Variants in HDAC4 observed in about 807,000 individuals in gnomAD.
HDAC4 encodes the protein histone deacetylase 4, also known as histone deacetylase A.
A neutral mutation model predicts 135.1 loss-of-function variants in HDAC4; 16 were observed. The observed-to-expected ratio is 0.12, with a 90% CI of 0.08 to 0.18. The LOEUF is 0.18. Ranked by LOEUF, HDAC4 falls within the 10% of genes least tolerant of loss-of-function variation. The probability of loss-of-function intolerance (pLI) is 1.00; values close to 1 mark genes in which losing one functional copy is unlikely to be tolerated. For synonymous variants in HDAC4, 685 were observed against 653.4 expected, an observed-to-expected ratio of 1.05 and a Z score of -0.74; for missense variants, 1,143 against 1,511.8, an observed-to-expected ratio of 0.76 and a Z score of 4.05.
At chr2:239,374,993 C>T (rs1019070128) in intron 1 of HDAC4, among the ~76,000 whole-genome samples, 20 of 152,292 alleles carry the variant, frequency 1.3e-4, no homozygotes, top group South Asian at 6.2e-4. Context: ...TGAGGGGTGA[C>T]GCTGCCAGGG....
At chr2:239,342,875 T>C (rs1425564266) in intron 2 of HDAC4, among the ~76,000 whole-genome samples, 1 of 152,132 alleles carries the variant, frequency 6.6e-6, no homozygotes, top group Non-Finnish European at 1.5e-5. Flanking sequence ...CCGCCTACAC[T>C]GTCAAGGGGG....
intron 16 of HDAC4, among the ~76,000 whole-genome samples, chr2:239,095,704 C>T (rs554382464): frequency 6.6e-6 from 1 of 152,316 alleles, no homozygotes; most frequent in Admixed American, 6.5e-5. Flanking sequence ...CTGGCACCCG[C>T]GCCTGCTCCG....
In HDAC4 at chr2:239,053,446, G is replaced by C; in HGVS notation, c.3230+14C>G. The C allele has an allele frequency of 6.2e-7, 1 of 1,611,344 alleles. No individual in the cohort carries two copies. Among genetic ancestry groups the C allele is most frequent in the Non-Finnish European group, 8.5e-7 (1 of 1,178,600 alleles). On this transcript the variant is annotated intron_variant, in intron 26 of 26. Transcript: ENST00000543185. ...TGGGTGAGCCTGCAGGCGGGCGGCA[G>C]GGCAGGTGCTCACCTCTTTTCGGCG...
intron 12 of HDAC4, among the ~76,000 whole-genome samples, chr2:239,123,168 C>A (rs1009722254): frequency 7.2e-5 from 11 of 152,242 alleles, no homozygotes; most frequent in African/African-American, 2.4e-4. Flanking sequence ...AAACCTCCTA[C>A]CCCATCACTC....
intron 5 of HDAC4, among the ~76,000 whole-genome samples, chr2:239,169,819 G>A (rs533387071): frequency 8.6e-5 from 13 of 151,968 alleles, no homozygotes; most frequent in South Asian, 2.1e-4. Flanking sequence ...ATGCCGCCCC[G>A]TCTCCTCAAG....
At chr2:239,329,257 G>T (rs1013667126) in intron 2 of HDAC4, among the ~76,000 whole-genome samples, 1 of 152,204 alleles carries the variant, frequency 6.6e-6, no homozygotes, top group South Asian at 2.1e-4. Flanking sequence ...CCAAAGGCGG[G>T]TCCTCCTATT....
intron 2 of HDAC4, among the ~76,000 whole-genome samples, chr2:239,247,176 G>A (rs1298730189): frequency 1.3e-5 from 2 of 152,216 alleles, no homozygotes; most frequent in Admixed American, 1.3e-4. Flanking sequence ...CGGGCCACCC[G>A]CACAGCCGGG....
chr2:239,258,314 C>T (rs913695882), intron 2 of HDAC4, among the ~76,000 whole-genome samples: 12 of 149,400 alleles, frequency 8.0e-5, no homozygotes, highest in Middle Eastern at 3.4e-3. Flanking sequence ...AGACACTGAA[C>T]GGGTCAAAAG....
intron 3 of HDAC4, 28 bp downstream of exon 3, chr2:239,236,565 C>G (rs775985925): frequency 2.6e-6 from 4 of 1,542,500 alleles, no homozygotes; most frequent in Non-Finnish European, 3.5e-6. Context: ...CAGGGCCGGC[C>G]GGACAGGGCA....
At position 239,102,895 on chromosome 2, in the gene HDAC4, C is replaced by T. The variant is rs2152765856; in HGVS notation, c.2114G>A (p.Cys705Tyr). The T allele has an allele frequency of 6.2e-7, 1 of 1,613,862 alleles. No homozygotes were observed. Among genetic ancestry groups the T allele is most frequent in the Non-Finnish European group, 8.5e-7 (1 of 1,180,002 alleles). Reference protein sequence around the residue: ...QETGLRGKCECIRGRKATLEE... With the variant: ...QETGLRGKCEYIRGRKATLEE... ...CAGGGTGGCCTTGCGTCCGCGGATG[C>T]ACTGTGGGGACAGGCGAGAGGACAC... is the stretch of plus-strand genomic sequence containing the variant. Residue 705 changes from cysteine (C) to tyrosine (Y), a missense_variant and splice_region_variant, in exon 16 of 27, where the codon TGC becomes TAC. Transcript: ENST00000543185.
At chr2:239,116,830 C>T (rs1008851688) in intron 12 of HDAC4, among the ~76,000 whole-genome samples, 10 of 152,220 alleles carry the variant, frequency 6.6e-5, no homozygotes, top group Non-Finnish European at 1.2e-4. Flanking sequence ...CTTCCTTCCT[C>T]GGCCTCCAGC....
At chr2:239,195,264 G>C (rs899668053) in intron 3 of HDAC4, among the ~76,000 whole-genome samples, 18 of 152,238 alleles carry the variant, frequency 1.2e-4, no homozygotes, top group African/African-American at 4.3e-4. Flanking sequence ...GCAGAGCAGA[G>C]AAAATCAACA....
chr2:239,225,450 G>A (rs953508308), intron 3 of HDAC4, among the ~76,000 whole-genome samples: 2 of 152,260 alleles, frequency 1.3e-5, no homozygotes, highest in African/African-American at 4.8e-5. Context: ...ATCCACGAAG[G>A]CAGAAGTCGG....
In HDAC4 at chr2:239,120,507, G is replaced by GCA. The variant is rs1327632635; in HGVS notation, c.1534-5199_1534-5198dup. ...GATACACAAATACACATAGGCACAG[G>GCA]CACACAGAGACAAGGAGAGGAGACC... is the stretch of plus-strand genomic sequence containing the variant. On this transcript the variant is annotated intron_variant, in intron 12 of 26. Transcript: ENST00000543185. Among the ~76,000 whole-genome samples, 6 of 151,230 alleles carry GCA rather than the reference G, an allele frequency of 4.0e-5. No individual in the cohort carries two copies. The South Asian group carries it at 6.3e-4, about 16-fold the overall frequency.
At chr2:239,355,317 C>G (rs1693422083) in intron 1 of HDAC4, among the ~76,000 whole-genome samples, 1 of 152,200 alleles carries the variant, frequency 6.6e-6, no homozygotes, top group Non-Finnish European at 1.5e-5. Context: ...GATCTGGCCT[C>G]TTTCACCGGT....
chr2:239,120,840 G>A (rs2039622139), intron 12 of HDAC4, among the ~76,000 whole-genome samples: 1 of 151,972 alleles, frequency 6.6e-6, no homozygotes, highest in African/African-American at 2.4e-5. Context: ...GCAGCTGAGG[G>A]TGGAGGGGAG....
intron 2 of HDAC4, among the ~76,000 whole-genome samples, chr2:239,237,798 C>T (rs908058045): frequency 5.9e-5 from 9 of 152,204 alleles, no homozygotes; most frequent in Middle Eastern, 3.4e-3. Flanking sequence ...AGAGATCAAA[C>T]GTGGGTGCCA....
chr2:239,239,957 C>A (rs1263563082), intron 2 of HDAC4, among the ~76,000 whole-genome samples: 4 of 152,266 alleles, frequency 2.6e-5, no homozygotes, highest in South Asian at 4.1e-4. Flanking sequence ...GCCCCGTGAG[C>A]CCCAGCCAGC....
At chr2:239,295,660 T>C (rs1203218811) in intron 2 of HDAC4, among the ~76,000 whole-genome samples, 3 of 152,250 alleles carry the variant, frequency 2.0e-5, no homozygotes, top group African/African-American at 4.8e-5. Context: ...GCTCAGCCTC[T>C]GGGAGGCTTT....
Sources: gnomAD v4.1 joint callset for allele counts (sites outside exome capture counted in the v4.1 genomes callset) on GRCh38, gnomAD v4.1.1 for gene constraint, MANE v1.5 for transcripts, NCBI Gene and HGNC (gene_info 2026-07-23, HGNC 2026-07-21) for gene names.